ARID1B: variants seen among roughly 807,000 people sequenced by gnomAD.
ARID1B encodes AT-rich interactive domain-containing protein 1B.
Under a neutral mutation model 212.3 loss-of-function variants are expected in ARID1B, and 30 were observed. The observed-to-expected ratio is 0.14, with a 90% CI of 0.11 to 0.19. The LOEUF (loss-of-function observed/expected upper bound fraction) is 0.19, where lower values mean the gene tolerates loss of function less well. ARID1B is among the 10% of genes least tolerant of loss of function. ARID1B has a pLI of 1.00. For missense variants in ARID1B, 2,891 were observed against 3,204.0 expected (o/e 0.90, Z 2.36); for synonymous variants, 1,402 against 1,301.7 (o/e 1.08, Z -1.66).
At chr6:157,155,162 C>T (rs1403979588) in intron 8 of ARID1B, among the ~76,000 whole-genome samples, 1 of 152,122 alleles carries the variant, frequency 6.6e-6, no homozygotes, top group Non-Finnish European at 1.5e-5. Flanking sequence ...CAGAGCCAAG[C>T]GCTTTGTGAG....
chr6:156,886,311 G>A (rs1049321404), intron 2 of ARID1B, among the ~76,000 whole-genome samples: 1 of 152,200 alleles, frequency 6.6e-6, no homozygotes, highest in Non-Finnish European at 1.5e-5. Flanking sequence ...TCTTGCCTCA[G>A]CCTCTGGAGT....
At chr6:156,807,891 G>C (rs547703546) in intron 1 of ARID1B, among the ~76,000 whole-genome samples, 2 of 152,240 alleles carry the variant, frequency 1.3e-5, no homozygotes, top group African/African-American at 4.8e-5. Flanking sequence ...TTTTGAGGCA[G>C]TTGGCAGGAT....
chr6:156,987,617 A>G (rs1778010862), intron 4 of ARID1B, among the ~76,000 whole-genome samples: 2 of 152,174 alleles, frequency 1.3e-5, no homozygotes, highest in African/African-American at 4.8e-5. Context: ...GGCGTGAGCC[A>G]CCACGCCCGG....
chr6:157,153,385 T>TA (rs1328405045), intron 8 of ARID1B, among the ~76,000 whole-genome samples: 3 of 152,226 alleles, frequency 2.0e-5, no homozygotes, highest in African/African-American at 7.2e-5. Context: ...TACACACTGA[T>TA]ACCCTTTTTA....
chr6:156,967,250 T>G (rs1166656873), intron 4 of ARID1B, among the ~76,000 whole-genome samples: 1 of 152,224 alleles, frequency 6.6e-6, no homozygotes, highest in East Asian at 1.9e-4. Context: ...GAATACAAGT[T>G]AGTTTCATAC....
intron 3 of ARID1B, among the ~76,000 whole-genome samples, chr6:156,911,426 C>G (rs1033703546): frequency 1.5e-5 from 2 of 134,264 alleles, no homozygotes; most frequent in Non-Finnish European, 3.1e-5. Context: ...GCATGGTGAT[C>G]TTTTCCATCA....
intron 10 of ARID1B, 54 bp from the exon 11 acceptor site, chr6:157,174,793 A>G: frequency 7.2e-7 from 1 of 1,382,928 alleles, no homozygotes; most frequent in Non-Finnish European, 9.5e-7. Context: ...TGTTATTTTA[A>G]ATAAAGTTTG....
chr6:157,160,448 G>A (rs1790853373), intron 8 of ARID1B, among the ~76,000 whole-genome samples: 1 of 152,152 alleles, frequency 6.6e-6, no homozygotes, highest in African/African-American at 2.4e-5. Context: ...TCACCTCCAC[G>A]ATATTGCTCA....
intron 6 of ARID1B, 113 bp from the exon 7 acceptor site, chr6:157,132,915 T>A: frequency 8.5e-7 from 1 of 1,172,270 alleles, no homozygotes; most frequent in Non-Finnish European, 1.2e-6. Flanking sequence ...AGGAGAATCT[T>A]ATGGTACCAG....
rs961790229 is a variant in ARID1B at position 156,901,675 on chromosome 6, T to C, written c.2136+150T>C. On this transcript the variant is annotated intron_variant, in intron 3 of 19. Transcript: ENST00000636930. The stretch of plus-strand genomic sequence containing the variant: ...ATGCATAACTGTAACCTAATCTAAC[T>C]CCATCTCTCCCTCCGTCTTTTCCCC... 7 of 979,978 alleles carry C rather than the reference T, an allele frequency of 7.1e-6. No homozygotes were observed. In the East Asian group the frequency reaches 8.0e-5, roughly 11 times the overall value. The allele number at this position is 979,978 out of a possible 1,614,324, so 60.7% of individuals were successfully genotyped here.
chr6:157,167,312 C>A, intron 9 of ARID1B, 127 bp downstream of exon 9: 1 of 1,170,078 alleles, frequency 8.5e-7, no homozygotes, highest in South Asian at 1.7e-5. Context: ...AATCATACTA[C>A]TTTTCTGCTT....
rs757117817 is a variant in ARID1B at position 156,955,784 on chromosome 6, C to T, written c.2247+20208C>T. Among the ~76,000 whole-genome samples the T allele has an allele frequency of 9.2e-5, 14 of 152,142 alleles. No individual in the cohort carries two copies. Among genetic ancestry groups the T allele is most frequent in the Non-Finnish European group, 1.6e-4 (11 of 68,034 alleles). ...CATGGGGTCCAAGGCAGAAGATACT[C>T]GCCCTGGACTTGGGATCTTAGAAAT... On this transcript the variant is annotated intron_variant, in intron 4 of 19. Transcript: ENST00000636930. This position sits in a 1 kb window ranked among gnomAD's most constrained non-coding sequence, Gnocchi z 4.2.
At chr6:156,942,111 G>T (rs746419988) in intron 4 of ARID1B, 1 of 152,120 alleles carries the variant, frequency 6.6e-6, no homozygotes, top group Non-Finnish European at 1.5e-5. Flanking sequence ...TTTTATAGGA[G>T]TGTCAATTAG....
At chr6:157,071,984 T>C (rs1057235297) in intron 4 of ARID1B, 1 of 152,218 alleles carries the variant, frequency 6.6e-6, no homozygotes, top group Non-Finnish European at 1.5e-5. Flanking sequence ...ACTTGCTAAA[T>C]GGGGACCATA....
intron 1 of ARID1B, among the ~76,000 whole-genome samples, chr6:156,814,364 G>A (rs528992337): frequency 2.6e-5 from 4 of 152,146 alleles, no homozygotes; most frequent in Non-Finnish European, 4.4e-5. Flanking sequence ...GATTGCCACC[G>A]CACTACAGTC....
chr6:157,181,276 A>G, intron 12 of ARID1B, 98 bp downstream of exon 12: 1 of 1,424,876 alleles, frequency 7.0e-7, no homozygotes, highest in Non-Finnish European at 9.6e-7. Flanking sequence ...TTTTCTCACA[A>G]AGGAAAAGCT....
chr6:156,895,593 T>C (rs1646057697), intron 2 of ARID1B, among the ~76,000 whole-genome samples: 1 of 152,178 alleles, frequency 6.6e-6, no homozygotes, highest in Non-Finnish European at 1.5e-5. Context: ...CACCTCTTTT[T>C]GGGAGGATGT....
rs753486869 is a variant in ARID1B, at chr6:156,779,404, C to T, written c.1724C>T (p.Ala575Val). ...GCCGCTGCCAGCCCGGCCTGGGCGG[C>T]CGCGCAACAAAGGAGTCACCCGGCG... ...QYAAASPAWAAAQQRSHPAMS... is the reference protein window; with the variant it reads ...QYAAASPAWAVAQQRSHPAMS... Residue 575 changes from alanine (A) to valine (V), a missense_variant, in exon 1 of 20, where the codon GCC becomes GTC. Transcript: ENST00000636930. 4.2e-6 allele frequency: 6 copies of T among 1,445,026 alleles called. No individual in the cohort carries two copies. The highest frequency in any genetic ancestry group is 1.3e-5 in the South Asian group (1 of 77,210). The allele number at this position is 1,445,026 out of a possible 1,614,324, so 89.5% of individuals were successfully genotyped here. A position where few individuals can be genotyped will look rare whatever the true frequency, so the allele number is the denominator to read the frequency against.
At chr6:156,979,118 T>C (rs1777448987) in intron 4 of ARID1B, among the ~76,000 whole-genome samples, 2 of 152,348 alleles carry the variant, frequency 1.3e-5, no homozygotes, top group East Asian at 3.9e-4. Context: ...TAAGAACTTT[T>C]CTGTTTTGCA....
Sources: allele counts gnomAD v4.1 joint callset (sites outside exome capture counted in the v4.1 genomes callset), GRCh38; gene constraint gnomAD v4.1.1; non-coding constraint Gnocchi (gnomAD v3.1); transcripts MANE v1.5; gene names NCBI Gene and HGNC (gene_info 2026-07-23, HGNC 2026-07-21).